The following MAPK8IP1 variants were observed in gnomAD, a reference collection of about 807,000 sequenced individuals.
MAPK8IP1 encodes mitogen-activated protein kinase 8 interacting protein 1.
In MAPK8IP1, 17 loss-of-function variants were observed where a neutral mutation model predicts 72.6. The ratio of observed to expected loss-of-function variants is 0.23; its 90% CI spans 0.16 to 0.35. The LOEUF (loss-of-function observed/expected upper bound fraction) is 0.35. MAPK8IP1 is among the 10% of genes least tolerant of loss of function. The pLI, the probability that MAPK8IP1 is intolerant of heterozygous loss-of-function variation, is 1.00. For missense variants in MAPK8IP1, 789 were observed against 1,009.7 expected (o/e 0.78, Z 2.96); for synonymous variants, 401 against 443.4 (o/e 0.90, Z 1.20).
chr11:45,888,198 A>G (rs1044530755), intron 1 of MAPK8IP1, among the ~76,000 whole-genome samples: 1 of 152,176 alleles, frequency 6.6e-6, no homozygotes, highest in South Asian at 2.1e-4. Context: ...CCCCAGTGCC[A>G]CTGTCAGCTC....
chr11:45,892,444 A>G (rs1224182524), intron 1 of MAPK8IP1, among the ~76,000 whole-genome samples: 1 of 152,200 alleles, frequency 6.6e-6, no homozygotes, highest in Non-Finnish European at 1.5e-5. Flanking sequence ...ATCAAAACAG[A>G]TATGATCCCA....
chr11:45,895,955 T>G (rs1378658002), intron 1 of MAPK8IP1, among the ~76,000 whole-genome samples: 1 of 151,964 alleles, frequency 6.6e-6, no homozygotes, highest in East Asian at 1.9e-4. Flanking sequence ...ACCCTCCCCA[T>G]GGCCTGGGGA....
chr11:45,904,548 GTGC>G lies in MAPK8IP1; in HGVS notation c.1765_1767del (p.Ala589del). 6.2e-7 allele frequency: 1 copy of G among 1,614,198 alleles called. No individual in the cohort carries two copies. Among genetic ancestry groups the G allele is most frequent in the Non-Finnish European group, 8.5e-7 (1 of 1,180,020 alleles). On this transcript the variant is annotated inframe_deletion, in exon 8 of 12. Coordinates refer to ENST00000241014, the MANE Select transcript of MAPK8IP1 (RefSeq NM_005456.4). This position sits in a 1 kb window ranked among gnomAD's most constrained non-coding sequence, Gnocchi z 6.4. ...TATCACAAGGGCAATGACGTCCTCT[GTGC>G]TGCTATGCAAAAGGTACCTGAGCCC...
chr11:45,898,317 G>T, intron 2 of MAPK8IP1, 127 bp downstream of exon 2: 1 of 670,796 alleles, frequency 1.5e-6, no homozygotes, highest in Non-Finnish European at 2.7e-6. Flanking sequence ...ATGAAATGAT[G>T]TGCAAGAAAC....
In MAPK8IP1 at chr11:45,903,401, A is replaced by G. The variant is rs771195013; in HGVS notation, c.1454A>G (p.Asn485Ser). 5 of 1,613,392 alleles carry G rather than the reference A, an allele frequency of 3.1e-6. No homozygotes were observed. In the South Asian group the frequency reaches 3.3e-5, roughly 11 times the overall value. The change falls in exon 6 of 12, where the codon AAC becomes AGC. Residue 485 changes from asparagine (N) to serine (S), a missense_variant. Physicochemically the swap from Asn to Ser is conservative, Grantham distance 46. Transcript: ENST00000241014. The surrounding 1 kb of genome is among the most constrained non-coding windows in gnomAD (Gnocchi z 6.4). ...ESFGLFSCII[N>S]GEEQEQTHRA... ...TTCGGGCTGTTCTCCTGCATCATCAACGGGGAGGAGCAGGAGCAGACCCAC... is the reference window on the plus strand; with the variant it reads ...TTCGGGCTGTTCTCCTGCATCATCAGCGGGGAGGAGCAGGAGCAGACCCAC...
Position 45,905,169 on chromosome 11 carries a change from C to A in MAPK8IP1, c.1983C>A (p.Thr661=), listed in dbSNP as rs756924636. ...CCTGCAGGTACTTTGGGTTCATCACCAAGCACCCCGCCGACCACCGGTTTG... is the reference window on the plus strand; with the variant it reads ...CCTGCAGGTACTTTGGGTTCATCACAAAGCACCCCGCCGACCACCGGTTTG... ...PKNNKYFGFI[T]KHPADHRFAC... is the part of the protein sequence containing the mutation. Residue 661 remains threonine, a synonymous_variant, in exon 11 of 12, where the codon ACC becomes ACA. Coordinates refer to ENST00000241014, the MANE Select transcript of MAPK8IP1 (RefSeq NM_005456.4). 5.0e-6 allele frequency: 8 copies of A among 1,613,328 alleles called. No homozygotes were observed. The highest frequency in any genetic ancestry group is 6.8e-6 in the Non-Finnish European group (8 of 1,179,924).
At chr11:45,897,163 C>T (rs896355902) in intron 1 of MAPK8IP1, among the ~76,000 whole-genome samples, 1 of 152,128 alleles carries the variant, frequency 6.6e-6, no homozygotes. Context: ...GGAAAAGGCT[C>T]ATACATTCTC....
intron 1 of MAPK8IP1, 32 bp downstream of exon 1, chr11:45,885,953 CT>C: frequency 7.1e-7 from 1 of 1,407,150 alleles, no homozygotes; most frequent in Non-Finnish European, 9.4e-7. Context: ...GCGCCTCGCC[CT>C]TCAGCGGGGA....
At position 45,898,354 on chromosome 11, in the gene MAPK8IP1, A is replaced by T. The variant is rs114719592; in HGVS notation, c.207+164A>T. Among the ~76,000 whole-genome samples the T allele has an allele frequency of 5.8e-3, 889 of 152,262 alleles. 9 individuals are homozygous for T. Among genetic ancestry groups the T allele is most frequent in the African/African-American group, 0.02 (832 of 41,546 alleles). ...TAGGTATACTGCTTGGCACGTCTTG[A>T]GTGTACAATCAGAATTTCATTTGGT... On this transcript the variant is annotated intron_variant, in intron 2 of 11. Coordinates refer to ENST00000241014, the MANE Select transcript of MAPK8IP1 (RefSeq NM_005456.4).
At position 45,893,787 on chromosome 11, in the gene MAPK8IP1, C is replaced by T. The variant is rs111999596; in HGVS notation, c.102-4298C>T. Among the ~76,000 whole-genome samples the T allele has an allele frequency of 8.6e-3, 1,305 of 152,312 alleles. 22 individuals carry two copies. The highest frequency in any genetic ancestry group is 0.03 in the African/African-American group (1,255 of 41,556). ...CCCTCTTTTCCCCTTCTTCCCCTCC[C>T]TTCTCCCCTCCATCTTTTCCTCCCT... is the stretch of plus-strand genomic sequence containing the variant. On this transcript the variant is annotated intron_variant, in intron 1 of 11. Coordinates refer to ENST00000241014, the MANE Select transcript of MAPK8IP1 (RefSeq NM_005456.4).
At chr11:45,885,949 C>A in intron 1 of MAPK8IP1, 28 bp downstream of exon 1, 1 of 1,416,328 alleles carries the variant, frequency 7.1e-7, no homozygotes. Context: ...CCGCGCGCCT[C>A]GCCCTTCAGC....
rs2086694801 is a variant in MAPK8IP1, at chr11:45,905,098, G to C, written c.1965-53G>C. On this transcript the variant is annotated intron_variant, in intron 10 of 11. Coordinates refer to ENST00000241014, the MANE Select transcript of MAPK8IP1 (RefSeq NM_005456.4). Reference sequence around the variant, plus strand: ...CACGGGTGGTCTGCAGCCTTGAGGTGGGTGGGTGTGGGCCGAGCCCCCGTC... The same window carrying C: ...CACGGGTGGTCTGCAGCCTTGAGGTCGGTGGGTGTGGGCCGAGCCCCCGTC... 9.3e-6 allele frequency: 15 copies of C among 1,611,454 alleles called. No homozygotes were observed. In the South Asian group the frequency reaches 1.4e-4, roughly 15 times the overall value.
intron 1 of MAPK8IP1, among the ~76,000 whole-genome samples, chr11:45,894,466 A>G (rs534133444): frequency 2.6e-5 from 4 of 151,832 alleles, no homozygotes; most frequent in Admixed American, 2.0e-4. Context: ...GCATTGCCCA[A>G]TTAAAGCCCA....
chr11:45,899,114 G>A (rs1034234173), intron 2 of MAPK8IP1, among the ~76,000 whole-genome samples: 4 of 152,214 alleles, frequency 2.6e-5, no homozygotes, highest in Non-Finnish European at 5.9e-5. Flanking sequence ...ACCAAGGGGT[G>A]AGGATAATCC....
At chr11:45,893,819 T>C (rs554796226) in intron 1 of MAPK8IP1, among the ~76,000 whole-genome samples, 1 of 152,310 alleles carries the variant, frequency 6.6e-6, no homozygotes, top group South Asian at 2.1e-4. Context: ...CCCTCCTCCT[T>C]TCCCTCCCTT....
In MAPK8IP1 at chr11:45,887,616, C is replaced by T. The variant is rs1288951239; in HGVS notation, c.101+1695C>T. Among the ~76,000 whole-genome samples, 3 of 152,364 alleles carry T rather than the reference C, an allele frequency of 2.0e-5. No individual in the cohort carries two copies. In the East Asian group the frequency reaches 5.8e-4, roughly 29 times the overall value. On this transcript the variant is annotated intron_variant, in intron 1 of 11. Coordinates refer to ENST00000241014, the MANE Select transcript of MAPK8IP1 (RefSeq NM_005456.4). ...TCTGGCCCAGTGGGCAGCTTTTCTT[C>T]CTCGACCTGCTTCCCCAGGTGTCAT...
intron 1 of MAPK8IP1, among the ~76,000 whole-genome samples, chr11:45,886,622 G>A (rs1048879156): frequency 6.6e-6 from 1 of 152,174 alleles, no homozygotes; most frequent in Non-Finnish European, 1.5e-5. Flanking sequence ...ACCCTGACCT[G>A]AGCTCCTATT....
In MAPK8IP1 at chr11:45,902,421, C is replaced by T. The variant is rs1242974875; in HGVS notation, c.654C>T (p.Pro218=). 6.9e-6 allele frequency: 11 copies of T among 1,585,386 alleles called. No homozygotes were observed. Among genetic ancestry groups the T allele is most frequent in the Non-Finnish European group, 9.4e-6 (11 of 1,167,006 alleles). The stretch of plus-strand genomic sequence containing the variant: ...ACATCTGCCTGAGCGATGAGCTGCC[C>T]CCCCAGAGCGGCCCCGCCCCCACCA... ...HEHICLSDEL[P]PQSGPAPTTD... The change falls in exon 5 of 12, where the codon CCC becomes CCT. Residue 218 remains proline, a synonymous_variant. Coordinates refer to ENST00000241014, the MANE Select transcript of MAPK8IP1 (RefSeq NM_005456.4). The surrounding 1 kb of genome is among the most constrained non-coding windows in gnomAD (Gnocchi z 9.3).
intron 1 of MAPK8IP1, among the ~76,000 whole-genome samples, chr11:45,895,610 A>G (rs1276188067): frequency 1.6e-5 from 2 of 123,250 alleles, no homozygotes; most frequent in African/African-American, 6.5e-5. Flanking sequence ...ACAGAGCGAA[A>G]GGCCGTCTCA....
Sources: gnomAD v4.1 joint callset for allele counts (sites outside exome capture counted in the v4.1 genomes callset) on GRCh38, gnomAD v4.1.1 for gene constraint, Gnocchi (gnomAD v3.1) non-coding constraint, MANE v1.5 for transcripts, NCBI Gene and HGNC (gene_info 2026-07-23, HGNC 2026-07-21) for gene names.